Variants in THNSL2 observed in about 807,000 individuals in gnomAD.
THNSL2 encodes the protein threonine synthase-like 2.
A neutral mutation model predicts 40.0 loss-of-function variants in THNSL2; 34 were observed. The observed-to-expected ratio is 0.85, with a 90% CI of 0.65 to 1.13. The LOEUF (loss-of-function observed/expected upper bound fraction) is 1.13. Ranked by LOEUF, THNSL2 falls within the 50% of genes most tolerant of loss-of-function variation. The pLI is 0.00. For synonymous variants in THNSL2, 241 were observed against 247.5 expected, an observed-to-expected ratio of 0.97 and a Z score of 0.25; for missense variants, 537 against 608.8, an observed-to-expected ratio of 0.88 and a Z score of 1.24.
intron 7 of THNSL2, chr2:88,183,281 C>A: frequency 1.7e-6 from 1 of 575,648 alleles, no homozygotes; most frequent in Non-Finnish European, 2.8e-6. Flanking sequence ...TGAGCTCAAT[C>A]CCAAGTGAGC....
At chr2:88,185,525 C>A (rs747295134) in intron 8 of THNSL2, 46 bp downstream of exon 8, 1 of 1,564,914 alleles carries the variant, frequency 6.4e-7, no homozygotes, top group Non-Finnish European at 8.7e-7. Context: ...ATTTGAATTT[C>A]AGGGGCCCTC....
At chr2:88,179,267 C>T (rs542975279) in intron 5 of THNSL2, among the ~76,000 whole-genome samples, 1 of 152,322 alleles carries the variant, frequency 6.6e-6, no homozygotes, top group Admixed American at 6.5e-5. Flanking sequence ...CTGATGTGCT[C>T]GCTGGCTCAG....
At chr2:88,182,122 A>C (rs1000732315) in intron 5 of THNSL2, among the ~76,000 whole-genome samples, 1 of 152,216 alleles carries the variant, frequency 6.6e-6, no homozygotes, top group African/African-American at 2.4e-5. Flanking sequence ...TTTTGGGTAC[A>C]TAACTAGGAG....
intron 5 of THNSL2, among the ~76,000 whole-genome samples, chr2:88,181,887 C>A (rs572797123): frequency 1.8e-4 from 28 of 152,236 alleles, no homozygotes; most frequent in Non-Finnish European, 4.0e-4. Context: ...AGGATGTGGT[C>A]TTTTGTGCCT....
At chr2:88,177,234 A>T (rs35205948) in intron 4 of THNSL2, 1 of 152,196 alleles carries the variant, frequency 6.6e-6, no homozygotes, top group Non-Finnish European at 1.5e-5. Context: ...TATAAACGAC[A>T]CTATTCAGAT....
intron 7 of THNSL2, chr2:88,183,856 G>A (rs1308118178): frequency 6.6e-6 from 1 of 151,350 alleles, no homozygotes; most frequent in African/African-American, 2.4e-5. Flanking sequence ...TGGCCATCCA[G>A]ACTGTGCATA....
intron 4 of THNSL2, chr2:88,177,286 A>T (rs908155546): frequency 6.6e-6 from 1 of 152,128 alleles, no homozygotes; most frequent in Non-Finnish European, 1.5e-5. Flanking sequence ...GGTTTTAAGG[A>T]GGATGTGTGT....
chr2:88,174,531 T>A (rs535309681), intron 2 of THNSL2, 108 bp from the exon 3 acceptor site: 2 of 1,143,406 alleles, frequency 1.7e-6, no homozygotes, highest in African/African-American at 3.1e-5. Flanking sequence ...GATGAAGATT[T>A]TTGGCCTTTT....
chr2:88,184,061 GC>G (rs1677995955), intron 7 of THNSL2, among the ~76,000 whole-genome samples: 1 of 152,146 alleles, frequency 6.6e-6, no homozygotes, highest in Admixed American at 6.5e-5. Context: ...ACATAATTTT[GC>G]AAGGTCAATA....
chr2:88,185,428 C>T lies in THNSL2; in HGVS notation c.1178C>T (p.Ser393Leu), dbSNP rs766501064. 13 of 1,613,956 alleles carry T rather than the reference C, an allele frequency of 8.1e-6. No individual in the cohort carries two copies. The highest frequency in any genetic ancestry group is 4.2e-6 in the Non-Finnish European group (5 of 1,179,946). The change falls in exon 8 of 9, where the codon TCA (serine) becomes TTA (leucine). Residue 393 changes from serine to leucine, a missense_variant. By Grantham distance (145) the Ser-to-Leu change is moderately radical. Coordinates refer to ENST00000674334, the MANE Select transcript of THNSL2 (RefSeq NM_018271.5). ...DENQYLLCPH[S>L]AVAVNYHYQQ... ...AACCAGTACTTGCTGTGCCCCCACT[C>T]AGCGGTGGCCGTGAACTACCATTAC...
Position 88,183,171 on chromosome 2 carries a change from T to C in THNSL2, c.1077+98T>C, listed in dbSNP as rs1374869089. On this transcript the variant is annotated intron_variant, in intron 7 of 8. Coordinates refer to ENST00000674334, the MANE Select transcript of THNSL2 (RefSeq NM_018271.5). ...TGGTCAAGGGAAGAGGACACCTGTT[T>C]CTTGAGTACCTGCTATGAGCCCACC... The C allele has an allele frequency of 2.0e-6, 3 of 1,506,364 alleles. No individual in the cohort carries two copies. The African/African-American group carries it at 4.2e-5, about 21-fold the overall frequency. The allele number at this position is 1,506,364 out of a possible 1,614,324, so 93.3% of individuals were successfully genotyped here. A position where few individuals can be genotyped will look rare whatever the true frequency, so the allele number is the denominator to read the frequency against.
In THNSL2 at chr2:88,182,980, GCT is replaced by G; in HGVS notation, c.989_990del (p.Ser330TrpfsTer3). 1 of 1,614,112 alleles carries G rather than the reference GCT, an allele frequency of 6.2e-7. No individual in the cohort carries two copies. The highest frequency in any genetic ancestry group is 1.7e-5 in the Admixed American group (1 of 60,016). On this transcript the variant is annotated frameshift_variant, in exon 7 of 9. Coordinates refer to ENST00000674334, the MANE Select transcript of THNSL2 (RefSeq NM_018271.5). LOFTEE classifies it high-confidence loss of function. ...PYNMERVFWL[L>X]SGSDSQVTRA... ...ACAACATGGAGAGGGTGTTCTGGCT[GCT>G]CTCTGGCTCTGACAGCCAGGTGACA...
In THNSL2 at chr2:88,186,459, T is replaced by A; in HGVS notation, c.*336T>A. 1 of 292,306 alleles carries A rather than the reference T, an allele frequency of 3.4e-6. No homozygotes were observed. The allele number at this position is 292,306 out of a possible 1,614,324, so 18.1% of individuals were successfully genotyped here. The stretch of plus-strand genomic sequence containing the variant: ...CTCCAGGGGTTTAGGACCCCAGACC[T>A]GTGAAGGTGGGAGCAGCTCACCACC... On this transcript the variant is annotated 3_prime_UTR_variant, in exon 9 of 9. Coordinates refer to ENST00000674334, the MANE Select transcript of THNSL2 (RefSeq NM_018271.5).
Position 88,185,325 on chromosome 2 carries a change from C to A in THNSL2, c.1078-3C>A. 1 of 1,611,890 alleles carries A rather than the reference C, an allele frequency of 6.2e-7. No individual in the cohort carries two copies. The highest frequency in any genetic ancestry group is 8.5e-7 in the Non-Finnish European group (1 of 1,179,060). On this transcript the variant is annotated splice_polypyrimidine_tract_variant and splice_region_variant and intron_variant, in intron 7 of 8. Transcript: ENST00000674334. ...CTCATCTTTCTGACCTGGGACCCTT[C>A]AGCTTTCAGAGGCAGTGACATCCGT...
chr2:88,172,880 C>T (rs948914290), intron 1 of THNSL2: 39 of 301,612 alleles, frequency 1.3e-4, no homozygotes, highest in South Asian at 1.6e-4. Context: ...TCTCTTTTCC[C>T]GGCATGCTCC....
intron 1 of THNSL2, chr2:88,171,365 C>G: frequency 2.2e-6 from 1 of 455,988 alleles, no homozygotes; most frequent in Non-Finnish European, 4.4e-6. Flanking sequence ...GTGCCAGCCC[C>G]TCTGTCCTCT....
chr2:88,170,618 C>G (rs938050142), intron 1 of THNSL2, among the ~76,000 whole-genome samples, 162 bp downstream of exon 1: 2 of 152,204 alleles, frequency 1.3e-5, no homozygotes, highest in African/African-American at 4.8e-5. Context: ...ACTTGAGGAA[C>G]TTGGGAGGGT....
chr2:88,170,893 C>T (rs1020367578), intron 1 of THNSL2, among the ~76,000 whole-genome samples: 1 of 152,112 alleles, frequency 6.6e-6, no homozygotes, highest in Non-Finnish European at 1.5e-5. Flanking sequence ...TCTCACAAAA[C>T]CCCTCCACCT....
rs1249168628 is a variant in THNSL2, at chr2:88,178,771, C to A, written c.572-12C>A. 9.3e-6 allele frequency: 15 copies of A among 1,613,700 alleles called. No individual in the cohort carries two copies. The highest frequency in any genetic ancestry group is 1.2e-5 in the Non-Finnish European group (14 of 1,179,800). On this transcript the variant is annotated splice_polypyrimidine_tract_variant and intron_variant, in intron 4 of 8. Transcript: ENST00000674334. ...GCTCCTGACAGCTGCCCTCTTCTCT[C>A]CCCCCTGGCAGTGGAGGGAAACAGC...
Sources: gnomAD v4.1 joint callset for allele counts (sites outside exome capture counted in the v4.1 genomes callset) on GRCh38, gnomAD v4.1.1 for gene constraint, MANE v1.5 for transcripts, NCBI Gene and HGNC (gene_info 2026-07-23, HGNC 2026-07-21) for gene names.